JMJD1C: variants seen among roughly 807,000 people sequenced by gnomAD.
The protein encoded by JMJD1C is jumonji domain containing 1C.
In JMJD1C, 31 loss-of-function variants were observed where a neutral mutation model predicts 245.3. That is an observed-to-expected ratio of 0.13 (90% CI 0.09 to 0.17). The LOEUF is 0.17. Ranked by LOEUF, JMJD1C falls within the 10% of genes least tolerant of loss-of-function variation. The pLI is 1.00. For missense variants in JMJD1C, 2,691 were observed against 3,000.2 expected, an observed-to-expected ratio of 0.90 and a Z score of 2.41; for synonymous variants, 1,057 against 1,017.4, an observed-to-expected ratio of 1.04 and a Z score of -0.74.
intron 3 of JMJD1C, among the ~76,000 whole-genome samples, chr10:63,232,215 C>A (rs1850112522): frequency 6.6e-6 from 1 of 152,058 alleles, no homozygotes; most frequent in Non-Finnish European, 1.5e-5. Flanking sequence ...CAATCATCTT[C>A]TCAATATATT....
chr10:63,415,936 T>C (rs1392013587), intron 1 of JMJD1C, among the ~76,000 whole-genome samples: 1 of 152,306 alleles, frequency 6.6e-6, no homozygotes, highest in Middle Eastern at 3.4e-3. Flanking sequence ...GTGTTTTTGC[T>C]GAACTCCCAC....
intron 2 of JMJD1C, among the ~76,000 whole-genome samples, chr10:63,340,900 G>A (rs758772013): frequency 2.6e-5 from 4 of 151,946 alleles, no homozygotes; most frequent in East Asian, 1.9e-4. Flanking sequence ...AGTTGAAATC[G>A]CGCCACTGCA....
chr10:63,382,776 G>A (rs746981214), intron 1 of JMJD1C: 8 of 455,638 alleles, frequency 1.8e-5, no homozygotes, highest in South Asian at 1.2e-4. Context: ...TCCTAATTCT[G>A]CCACCCATCT....
intron 2 of JMJD1C, among the ~76,000 whole-genome samples, chr10:63,318,757 T>C (rs59646586): frequency 0.025 from 3,770 of 152,188 alleles, 160 homozygotes; most frequent in African/African-American, 0.085. Context: ...TATGGACATA[T>C]TTTCTCTATA....
chr10:63,229,088 G>A (rs1849653900), intron 3 of JMJD1C, among the ~76,000 whole-genome samples: 1 of 151,992 alleles, frequency 6.6e-6, no homozygotes, highest in South Asian at 2.1e-4. Flanking sequence ...GATTTATTAA[G>A]GACACGATAG....
At chr10:63,243,546 T>A (rs1234993977) in intron 3 of JMJD1C, among the ~76,000 whole-genome samples, 4 of 152,192 alleles carry the variant, frequency 2.6e-5, no homozygotes, top group Non-Finnish European at 5.9e-5. Flanking sequence ...TTTTTTTCAC[T>A]AATTTGTAAG....
chr10:63,279,762 A>G (rs1564727533), intron 2 of JMJD1C, among the ~76,000 whole-genome samples: 2 of 152,342 alleles, frequency 1.3e-5, no homozygotes, highest in East Asian at 3.9e-4. Flanking sequence ...CCTCTAAATT[A>G]ATTAATTAAT....
At chr10:63,387,629 ATTTTTT>A (rs71025169) in intron 1 of JMJD1C, among the ~76,000 whole-genome samples, 14 of 37,868 alleles carry the variant, frequency 3.7e-4, no homozygotes, top group African/African-American at 1.6e-3. Flanking sequence ...GAAAAAAAAA[ATTTTTT>A]TTTTTTTTTT....
intron 2 of JMJD1C, among the ~76,000 whole-genome samples, chr10:63,350,931 A>G (rs1944303059): frequency 6.6e-6 from 1 of 151,504 alleles, no homozygotes; most frequent in Admixed American, 6.6e-5. Flanking sequence ...AAATTTTTAT[A>G]TACATTAAAT....
intron 3 of JMJD1C, among the ~76,000 whole-genome samples, chr10:63,233,401 TAA>T (rs1003521166): frequency 6.6e-6 from 1 of 151,662 alleles, no homozygotes; most frequent in Non-Finnish European, 1.5e-5. Flanking sequence ...AAATTAGACT[TAA>T]AAAAAAATTT....
intron 2 of JMJD1C, among the ~76,000 whole-genome samples, chr10:63,347,066 AATT>A (rs1943882369): frequency 8.0e-6 from 1 of 124,510 alleles, no homozygotes; most frequent in Admixed American, 9.0e-5. Flanking sequence ...AAATGAAAAG[AATT>A]TTTTTTTTTT....
chr10:63,365,521 A>T (rs1945760385), intron 2 of JMJD1C, among the ~76,000 whole-genome samples: 2 of 152,158 alleles, frequency 1.3e-5, no homozygotes, highest in Non-Finnish European at 2.9e-5. Flanking sequence ...CTGTAATCTC[A>T]GCATTTTGGG....
At chr10:63,502,145 G>C (rs1478553533) in intron 1 of JMJD1C, among the ~76,000 whole-genome samples, 1 of 152,124 alleles carries the variant, frequency 6.6e-6, no homozygotes. Flanking sequence ...GAATGCATGA[G>C]AGACAATTAA....
intron 1 of JMJD1C, among the ~76,000 whole-genome samples, chr10:63,433,581 CTTT>C (rs1564915581): frequency 7.1e-6 from 1 of 140,192 alleles, no homozygotes; most frequent in African/African-American, 2.6e-5. Context: ...CTTTTCTTTT[CTTT>C]TCTTTTTTTT....
In JMJD1C at chr10:63,461,337, G is replaced by T. The variant is rs537617587; in HGVS notation, c.168+4158C>A. ...CATTCATTCATACATTCAACATTTT[G>T]TAAACAGACCAGAAATCAGCATTTT... On this transcript the variant is annotated intron_variant, in intron 1 of 25. Coordinates refer to ENST00000399262, the MANE Select transcript of JMJD1C (RefSeq NM_032776.3). Among the ~76,000 whole-genome samples the T allele has an allele frequency of 9.2e-5, 14 of 152,160 alleles. No individual in the cohort carries two copies. In the South Asian group the frequency reaches 2.9e-3, roughly 32 times the overall value.
chr10:63,408,001 AAACGT>A (rs1201667799), intron 1 of JMJD1C, among the ~76,000 whole-genome samples: 1 of 152,140 alleles, frequency 6.6e-6, no homozygotes, highest in Non-Finnish European at 1.5e-5. Flanking sequence ...CAGAAAAGAG[AAACGT>A]AACAGAGAAA....
intron 2 of JMJD1C, among the ~76,000 whole-genome samples, chr10:63,340,762 T>C (rs1451174065): frequency 1.3e-5 from 2 of 151,978 alleles, no homozygotes; most frequent in Non-Finnish European, 2.9e-5. Flanking sequence ...CTGGCCAACA[T>C]GGTGAAGCTC....
At chr10:63,411,083 T>C (rs1464662000) in intron 1 of JMJD1C, among the ~76,000 whole-genome samples, 1 of 152,146 alleles carries the variant, frequency 6.6e-6, no homozygotes, top group Non-Finnish European at 1.5e-5. Context: ...AGGAATCTAA[T>C]ATATTAAGTT....
chr10:63,235,041 A>G (rs893925837), intron 3 of JMJD1C, among the ~76,000 whole-genome samples: 7 of 152,212 alleles, frequency 4.6e-5, no homozygotes, highest in African/African-American at 1.7e-4. Flanking sequence ...GGAAAAAAAC[A>G]GTAATACAAC....
Sources: gnomAD v4.1 joint callset for allele counts (sites outside exome capture counted in the v4.1 genomes callset) on GRCh38, gnomAD v4.1.1 for gene constraint, MANE v1.5 for transcripts, NCBI Gene and HGNC (gene_info 2026-07-23, HGNC 2026-07-21) for gene names.